Variants in CKAP5 observed in about 807,000 individuals in gnomAD.
The protein encoded by CKAP5 is cytoskeleton-associated protein 5.
Under a neutral mutation model 232.8 loss-of-function variants are expected in CKAP5, and 27 were observed. That is an observed-to-expected ratio of 0.12 (90% confidence interval 0.09 to 0.16). The LOEUF (loss-of-function observed/expected upper bound fraction) is 0.16, where lower values mean the gene tolerates loss of function less well. CKAP5 is among the 10% of genes least tolerant of loss of function. CKAP5 has a pLI of 1.00. For missense variants in CKAP5, 1,838 were observed against 2,424.7 expected (o/e 0.76, Z 5.08); for synonymous variants, 785 against 841.1 (o/e 0.93, Z 1.16).
chr11:46,780,113 G>GT (rs1355222080), intron 20 of CKAP5, 81 bp downstream of exon 20: 1 of 1,463,896 alleles, frequency 6.8e-7, no homozygotes, highest in East Asian at 2.3e-5. Flanking sequence ...GACTACAGGC[G>GT]TGCACCACTA....
intron 1 of CKAP5, among the ~76,000 whole-genome samples, chr11:46,825,478 G>A (rs1260220984): frequency 6.6e-6 from 1 of 152,090 alleles, no homozygotes; most frequent in African/African-American, 2.4e-5. Flanking sequence ...AGTAATTACA[G>A]AGCTACTGTA....
chr11:46,797,682 T>C, intron 11 of CKAP5, 123 bp downstream of exon 11: 1 of 937,514 alleles, frequency 1.1e-6, no homozygotes, highest in South Asian at 1.9e-5. Flanking sequence ...CTGCAAAGGC[T>C]CTGCTCCTCA....
At chr11:46,808,465 C>T (rs542393567) in intron 7 of CKAP5, among the ~76,000 whole-genome samples, 5 of 152,188 alleles carry the variant, frequency 3.3e-5, no homozygotes, top group Admixed American at 2.6e-4. Flanking sequence ...GGCATGAACC[C>T]GGGAGGCGGA....
At chr11:46,793,425 A>G (rs1938787904) in intron 13 of CKAP5, among the ~76,000 whole-genome samples, 1 of 152,232 alleles carries the variant, frequency 6.6e-6, no homozygotes, top group Non-Finnish European at 1.5e-5. Context: ...CATGCTCATT[A>G]AAAGAATGCC....
At chr11:46,813,872 T>C (rs1005697177) in intron 4 of CKAP5, among the ~76,000 whole-genome samples, 3 of 152,014 alleles carry the variant, frequency 2.0e-5, no homozygotes, top group African/African-American at 7.2e-5. Flanking sequence ...CGGTTGCTTA[T>C]GTCTGTAATC....
chr11:46,752,276 AATACATAT>A lies in CKAP5; in HGVS notation c.5133+351_5133+358del, dbSNP rs542500389. On this transcript the variant is annotated intron_variant, in intron 38 of 43. Coordinates refer to ENST00000529230, the MANE Select transcript of CKAP5 (RefSeq NM_001008938.4). ...ATAACATATTAAGATATACATATATAATACATATATACATATATATAATACACATATAT... is the reference window on the plus strand; with the variant it reads ...ATAACATATTAAGATATACATATATAATACATATATATAATACACATATAT... Among the ~76,000 whole-genome samples, 593 of 146,858 alleles carry A rather than the reference AATACATAT, an allele frequency of 4.0e-3. 6 individuals are homozygous for A. Among genetic ancestry groups the A allele is most frequent in the Non-Finnish European group, 5.4e-3 (364 of 67,050 alleles).
Position 46,805,810 on chromosome 11 carries a change from C to A in CKAP5, c.978+2221G>T, listed in dbSNP as rs1419810971. The stretch of plus-strand genomic sequence containing the variant: ...AATTAGCTGGGTGTGATGGCAAGTG[C>A]CTATAAATCCCAGCTATTTGGGAGG... On this transcript the variant is annotated intron_variant, in intron 8 of 43. Coordinates refer to ENST00000529230, the MANE Select transcript of CKAP5 (RefSeq NM_001008938.4). 2.6e-5 allele frequency among the ~76,000 whole-genome samples: 4 copies of A among 152,064 alleles called. No individual in the cohort carries two copies. In the East Asian group the frequency reaches 7.7e-4, roughly 29 times the overall value.
At chr11:46,787,037 GGT>G (rs2065400435) in intron 16 of CKAP5, among the ~76,000 whole-genome samples, 1 of 152,056 alleles carries the variant, frequency 6.6e-6, no homozygotes, top group Non-Finnish European at 1.5e-5. Flanking sequence ...GCACGCCTGT[GGT>G]CCCGACTACT....
chr11:46,751,409 A>C lies in CKAP5; in HGVS notation c.5259T>G (p.Ser1753Arg). 1.2e-6 allele frequency: 2 copies of C among 1,614,126 alleles called. No homozygotes were observed. The highest frequency in any genetic ancestry group is 1.7e-6 in the Non-Finnish European group (2 of 1,180,016). ...TCTTTAGGGTCCTTATGGGAAATTC[A>C]CTTTTGCATTGCTTCAGTTTCTCTT... ...FPKEKLKQCKSEFPIRTLKTL... is the reference protein window; with the variant it reads ...FPKEKLKQCKREFPIRTLKTL... The change falls in exon 39 of 44, where the codon AGT becomes AGG. Residue 1753 changes from serine to arginine, a missense_variant. By Grantham distance (110) the Ser-to-Arg change is moderately radical. Transcript: ENST00000529230.
intron 1 of CKAP5, among the ~76,000 whole-genome samples, chr11:46,829,396 T>G (rs2134704490): frequency 6.6e-6 from 1 of 152,262 alleles, no homozygotes; most frequent in South Asian, 2.1e-4. Context: ...TACAAAAAAT[T>G]ATCTGGGCCT....
intron 38 of CKAP5, among the ~76,000 whole-genome samples, chr11:46,752,193 T>TATATATATATATACACACACACAC (rs1408030107): frequency 7.5e-5 from 5 of 66,548 alleles, no homozygotes; most frequent in African/African-American, 2.6e-4. Context: ...TATATATATA[T>TATATATATATATACACACACACAC]ACACACACAC....
intron 8 of CKAP5, among the ~76,000 whole-genome samples, chr11:46,801,666 T>C (rs544638266): frequency 2.0e-5 from 3 of 150,738 alleles, no homozygotes; most frequent in Non-Finnish European, 4.4e-5. Flanking sequence ...CAAGACTCCA[T>C]CTCAAAAAAA....
chr11:46,843,370 T>A (rs1193877010), intron 1 of CKAP5, among the ~76,000 whole-genome samples: 1 of 151,964 alleles, frequency 6.6e-6, no homozygotes, highest in East Asian at 1.9e-4. Context: ...TGGGACTCCT[T>A]CATATGGAAG....
chr11:46,761,675 C>T (rs530488429), intron 32 of CKAP5, among the ~76,000 whole-genome samples: 1 of 152,258 alleles, frequency 6.6e-6, no homozygotes, highest in Admixed American at 6.5e-5. Flanking sequence ...ACCAAAAACT[C>T]GATGCAGTAA....
At chr11:46,827,651 C>T (rs1428716725) in intron 1 of CKAP5, among the ~76,000 whole-genome samples, 1 of 152,052 alleles carries the variant, frequency 6.6e-6, no homozygotes, top group Non-Finnish European at 1.5e-5. Context: ...ATAACCTTCC[C>T]CATCTTGTGT....
intron 3 of CKAP5, among the ~76,000 whole-genome samples, chr11:46,816,667 C>T (rs919839210): frequency 6.6e-6 from 1 of 152,134 alleles, no homozygotes; most frequent in African/African-American, 2.4e-5. Flanking sequence ...TCCCACCACC[C>T]AGAGAAAACT....
chr11:46,837,656 G>A (rs1939946971), intron 1 of CKAP5, among the ~76,000 whole-genome samples: 1 of 151,916 alleles, frequency 6.6e-6, no homozygotes, highest in Non-Finnish European at 1.5e-5. Flanking sequence ...AGTACTCAAA[G>A]ATCAATACAA....
At chr11:46,752,185 TATATATATACACACACACAC>T (rs1333752366) in intron 38 of CKAP5, among the ~76,000 whole-genome samples, 5 of 68,486 alleles carry the variant, frequency 7.3e-5, no homozygotes, top group African/African-American at 2.1e-4. Context: ...TATATATATA[TATATATATACACACACACAC>T]ACACACACAC....
chr11:46,776,072 A>C (rs1384232717), intron 24 of CKAP5, among the ~76,000 whole-genome samples, 183 bp downstream of exon 24: 2 of 152,260 alleles, frequency 1.3e-5, no homozygotes, highest in Admixed American at 1.3e-4. Flanking sequence ...ATTGATAAAG[A>C]AGCATGTGAA....
Sources: gnomAD v4.1 joint callset for allele counts (sites outside exome capture counted in the v4.1 genomes callset) on GRCh38, gnomAD v4.1.1 for gene constraint, MANE v1.5 for transcripts, NCBI Gene and HGNC (gene_info 2026-07-23, HGNC 2026-07-21) for gene names.